The following TOX3 variants were observed in gnomAD, a reference collection of about 807,000 sequenced individuals.
The protein encoded by TOX3 is TOX high mobility group box family member 3, also known as CAG trinucleotide repeat-containing gene F9 protein.
TOX3 carries 22 observed loss-of-function variants against 64.3 expected under a neutral mutation model. That is an observed-to-expected ratio of 0.34 (90% CI 0.24 to 0.49). The LOEUF is 0.49. TOX3 is among the 20% of genes least tolerant of loss of function. TOX3 has a pLI of 0.99. For synonymous variants in TOX3, 291 were observed against 273.6 expected, an observed-to-expected ratio of 1.06 and a Z score of -0.63; for missense variants, 661 against 714.4, an observed-to-expected ratio of 0.93 and a Z score of 0.85.
chr16:52,517,658 C>T (rs1339231998), intron 1 of TOX3, among the ~76,000 whole-genome samples: 1 of 151,426 alleles, frequency 6.6e-6, no homozygotes, highest in Non-Finnish European at 1.5e-5. Context: ...TCCTAGCTGC[C>T]CTCTGCAGTG....
rs770200124 is a variant in TOX3 at position 52,439,657 on chromosome 16, A to G, written c.1299T>C (p.Ser433=). 5 of 1,613,648 alleles carry G rather than the reference A, an allele frequency of 3.1e-6. No homozygotes were observed. The highest frequency in any genetic ancestry group is 1.7e-5 in the Admixed American group (1 of 59,990). Residue 433 remains serine, a synonymous_variant, in exon 7 of 7, where the codon AGT becomes AGC. Transcript: ENST00000219746. ...GATGCTGCTGGGTTTGCACCGAAGG[A>G]CTCACTTGGGTGGAGGGTGCTGAGC... ...MVGSAPSTQV[S]PSVQTQQHQM... is the part of the protein sequence containing the mutation.
intron 3 of TOX3, 96 bp downstream of exon 3, chr16:52,463,838 C>A: frequency 7.2e-7 from 1 of 1,396,046 alleles, no homozygotes; most frequent in Non-Finnish European, 9.4e-7. Context: ...CCACTAGGAA[C>A]AGGCAAGAGC....
At chr16:52,532,418 C>T (rs900252210) in intron 1 of TOX3, among the ~76,000 whole-genome samples, 1 of 152,248 alleles carries the variant, frequency 6.6e-6, no homozygotes, top group African/African-American at 2.4e-5. Context: ...CCCAGGCTGG[C>T]GTGCTGGAGG....
At chr16:52,481,012 G>A (rs1057117259) in intron 1 of TOX3, among the ~76,000 whole-genome samples, 4 of 151,918 alleles carry the variant, frequency 2.6e-5, no homozygotes, top group African/African-American at 7.3e-5. Context: ...TTCACGGGGC[G>A]GCCTCCCACA....
intron 1 of TOX3, among the ~76,000 whole-genome samples, chr16:52,479,466 T>C (rs1047227476): frequency 6.6e-6 from 1 of 152,202 alleles, no homozygotes; most frequent in African/African-American, 2.4e-5. Context: ...CCATGACAGC[T>C]GAAGATAAAA....
intron 1 of TOX3, among the ~76,000 whole-genome samples, chr16:52,511,009 T>C (rs1288390092): frequency 6.6e-6 from 1 of 152,066 alleles, no homozygotes; most frequent in Non-Finnish European, 1.5e-5. Flanking sequence ...CACTGGAACT[T>C]GTGGTTCCCA....
intron 1 of TOX3, among the ~76,000 whole-genome samples, chr16:52,513,460 A>G (rs116250342): frequency 0.011 from 1,661 of 152,366 alleles, 31 homozygotes; most frequent in African/African-American, 0.038. Flanking sequence ...AATTAAAATT[A>G]TAGAAATCTA....
intron 2 of TOX3, among the ~76,000 whole-genome samples, chr16:52,466,938 G>A (rs905037547): frequency 3.3e-5 from 5 of 151,946 alleles, no homozygotes; most frequent in African/African-American, 1.2e-4. Context: ...ACAACAAAAA[G>A]ACACACTGAC....
At chr16:52,489,853 T>C (rs577536694) in intron 1 of TOX3, among the ~76,000 whole-genome samples, 1 of 152,140 alleles carries the variant, frequency 6.6e-6, no homozygotes, top group African/African-American at 2.4e-5. Context: ...ATCCTCCACA[T>C]GTGGTCATTC....
At chr16:52,522,282 G>A (rs1310358883) in intron 1 of TOX3, among the ~76,000 whole-genome samples, 1 of 152,212 alleles carries the variant, frequency 6.6e-6, no homozygotes, top group Non-Finnish European at 1.5e-5. Context: ...CTTCAGCAGA[G>A]ACAGCCAAAT....
At chr16:52,517,066 C>A (rs759224619) in intron 1 of TOX3, among the ~76,000 whole-genome samples, 3 of 152,142 alleles carry the variant, frequency 2.0e-5, no homozygotes, top group Non-Finnish European at 4.4e-5. Context: ...CCTATAAAAT[C>A]TACACACATA....
intron 1 of TOX3, among the ~76,000 whole-genome samples, chr16:52,540,156 G>T (rs935123653): frequency 5.9e-5 from 9 of 152,002 alleles, no homozygotes; most frequent in African/African-American, 1.7e-4. Context: ...AAGGCAGGAG[G>T]ATCACTGGCG....
chr16:52,493,705 G>T (rs1309048007), intron 1 of TOX3, among the ~76,000 whole-genome samples: 3 of 152,046 alleles, frequency 2.0e-5, no homozygotes, highest in Non-Finnish European at 4.4e-5. Flanking sequence ...AAAGAACAAG[G>T]CTTCTCATCT....
At chr16:52,474,814 A>T (rs560706553) in intron 1 of TOX3, among the ~76,000 whole-genome samples, 1 of 151,818 alleles carries the variant, frequency 6.6e-6, no homozygotes, top group Non-Finnish European at 1.5e-5. Flanking sequence ...AAACTCTCCA[A>T]TGGCTTCCGA....
At chr16:52,445,714 G>T in intron 5 of TOX3, 1 of 332,672 alleles carries the variant, frequency 3.0e-6, no homozygotes, top group Non-Finnish European at 5.5e-6. Context: ...AAAATGAAAA[G>T]ATTATCATCA....
intron 1 of TOX3, among the ~76,000 whole-genome samples, chr16:52,546,317 CAACA>C (rs1341774837): frequency 6.6e-6 from 1 of 152,034 alleles, no homozygotes; most frequent in Admixed American, 6.5e-5. Context: ...CTAATAACAG[CAACA>C]AACAATCACA....
At chr16:52,465,058 A>T (rs1596795170) in intron 2 of TOX3, among the ~76,000 whole-genome samples, 1 of 112,480 alleles carries the variant, frequency 8.9e-6, no homozygotes, top group Admixed American at 1.4e-4. Context: ...TCTGTCTCCC[A>T]GGCTGGAGGG....
intron 1 of TOX3, among the ~76,000 whole-genome samples, chr16:52,523,355 C>T (rs1449091021): frequency 1.3e-5 from 2 of 152,056 alleles, no homozygotes; most frequent in African/African-American, 4.8e-5. Context: ...TAATGTCCAC[C>T]ACTGAGTTAA....
chr16:52,472,308 G>A (rs1276399894), intron 1 of TOX3, among the ~76,000 whole-genome samples: 2 of 152,142 alleles, frequency 1.3e-5, no homozygotes, highest in Non-Finnish European at 2.9e-5. Context: ...GGGGAGACAG[G>A]AAACAAACAA....
Sources: allele counts gnomAD v4.1 joint callset (sites outside exome capture counted in the v4.1 genomes callset), GRCh38; gene constraint gnomAD v4.1.1; transcripts MANE v1.5; gene names NCBI Gene and HGNC (gene_info 2026-07-23, HGNC 2026-07-21).